Variants in ESR2 observed in about 807,000 individuals in gnomAD.
ESR2 encodes the protein estrogen receptor beta.
Under a neutral mutation model 49.6 loss-of-function variants are expected in ESR2, and 36 were observed. The observed-to-expected ratio is 0.73, with a 90% CI of 0.56 to 0.96. The LOEUF is 0.96. ESR2 is among the 40% of genes least tolerant of loss of function. The pLI is 0.00. For synonymous variants in ESR2, 320 were observed against 266.1 expected, an observed-to-expected ratio of 1.20 and a Z score of -1.97; for missense variants, 714 against 693.0, an observed-to-expected ratio of 1.03 and a Z score of -0.34.
At chr14:64,281,958 C>T (rs1596452974) in intron 2 of ESR2, among the ~76,000 whole-genome samples, 1 of 152,196 alleles carries the variant, frequency 6.6e-6, no homozygotes, top group Non-Finnish European at 1.5e-5. Context: ...TTGTCATGAA[C>T]ATTAAATTGT....
intron 3 of ESR2, among the ~76,000 whole-genome samples, chr14:64,273,982 C>G (rs1234695583): frequency 1.3e-5 from 2 of 151,160 alleles, no homozygotes; most frequent in African/African-American, 4.9e-5. Context: ...CTCCATCACC[C>G]AGGCTAGAAT....
intron 3 of ESR2, among the ~76,000 whole-genome samples, chr14:64,273,940 CTTTTT>C (rs58123995): frequency 1.5e-5 from 2 of 134,652 alleles, no homozygotes; most frequent in African/African-American, 2.8e-5. Context: ...TGCTGAGAGA[CTTTTT>C]TTTTTTTTTT....
rs199966754 is a variant in ESR2, at chr14:64,264,889, A to G, written c.652+3906T>C. ...GATACCCTGTCTCAAAAAAAAAAAA[A>G]GAAAAAAAAAAAAGCACCTTTCTGA... On this transcript the variant is annotated intron_variant, in intron 4 of 8. Transcript: ENST00000341099. 3.6e-3 allele frequency among the ~76,000 whole-genome samples: 506 copies of G among 140,452 alleles called. 4 individuals are homozygous for G. The highest frequency in any genetic ancestry group is 0.013 in the African/African-American group (461 of 35,858). 92.1% of individuals were successfully genotyped at this position (140,452 alleles called of 152,430 possible).
intron 3 of ESR2, among the ~76,000 whole-genome samples, chr14:64,273,497 T>A (rs1221897933): frequency 6.6e-6 from 1 of 152,208 alleles, no homozygotes; most frequent in Non-Finnish European, 1.5e-5. Flanking sequence ...CCCAGTTTTT[T>A]AAGGGTTTTT....
chr14:64,320,914 A>G (rs2077318043), intron 1 of ESR2, among the ~76,000 whole-genome samples: 1 of 152,010 alleles, frequency 6.6e-6, no homozygotes, highest in African/African-American at 2.4e-5. Flanking sequence ...TAATAATAAT[A>G]ATGTATTAAT....
chr14:64,304,577 T>A (rs944234663), intron 1 of ESR2, among the ~76,000 whole-genome samples: 1 of 152,232 alleles, frequency 6.6e-6, no homozygotes, highest in Admixed American at 6.5e-5. Flanking sequence ...TATTCAAAAG[T>A]AAATTAAAAC....
At chr14:64,255,823 C>T (rs2076085942) in intron 6 of ESR2, among the ~76,000 whole-genome samples, 1 of 152,240 alleles carries the variant, frequency 6.6e-6, no homozygotes, top group South Asian at 2.1e-4. Context: ...CAGAGCCTCC[C>T]TCCATGGTTT....
chr14:64,313,141 A>G (rs566731493), intron 1 of ESR2, among the ~76,000 whole-genome samples: 3 of 152,316 alleles, frequency 2.0e-5, no homozygotes, highest in Non-Finnish European at 2.9e-5. Flanking sequence ...GGGACATTAT[A>G]TAATAACAAA....
chr14:64,328,989 A>G (rs943500210), intron 1 of ESR2, among the ~76,000 whole-genome samples: 1 of 152,118 alleles, frequency 6.6e-6, no homozygotes, highest in Non-Finnish European at 1.5e-5. Flanking sequence ...TTAGTTGTAG[A>G]TATTTTAAAA....
rs750554682 is a variant in ESR2, at chr14:64,268,802, C to A, written c.645G>T (p.Val215=). The A allele has an allele frequency of 5.6e-6, 9 of 1,606,778 alleles. No individual in the cohort carries two copies. The highest frequency in any genetic ancestry group is 1.7e-5 in the Admixed American group (1 of 59,964). Residue 215 remains valine, a synonymous_variant, in exon 4 of 9, where the codon GTG becomes GTT. Coordinates refer to ENST00000341099, the MANE Select transcript of ESR2 (RefSeq NM_001437.3). ...RLRKCYEVGM[V]KCGSRRERCG... Reference sequence around the variant, plus strand: ...AGGGAAGCAAGCACTCACCACACTTCACCATTCCCACTTCGTAACACTTCC... The same window carrying A: ...AGGGAAGCAAGCACTCACCACACTTAACCATTCCCACTTCGTAACACTTCC...
At chr14:64,313,878 CAAA>C (rs58601573) in intron 1 of ESR2, among the ~76,000 whole-genome samples, 3 of 95,888 alleles carry the variant, frequency 3.1e-5, no homozygotes, top group African/African-American at 7.1e-5. Context: ...GACTCTGTCT[CAAA>C]AAAAAAAAAA....
In ESR2 at chr14:64,257,279, G is replaced by A. The variant is rs1319245004; in HGVS notation, c.1038C>T (p.Arg346=). 2.5e-6 allele frequency: 4 copies of A among 1,614,164 alleles called. No homozygotes were observed. The highest frequency in any genetic ancestry group is 3.3e-5 in the Admixed American group (2 of 60,032). ...TGAGCTTGCCGGGGTGGTCAATTGAGCGCCACATCAGCCCCATCATTAACA... is the reference window on the plus strand; with the variant it reads ...TGAGCTTGCCGGGGTGGTCAATTGAACGCCACATCAGCCCCATCATTAACA... The part of the protein sequence containing the change: ...MEVLMMGLMW[R]SIDHPGKLIF... The change falls in exon 6 of 9, where the codon CGC becomes CGT. Residue 346 remains arginine, a synonymous_variant. Transcript: ENST00000341099.
Position 64,322,517 on chromosome 14 carries a change from GGA to G in ESR2, c.-91+15379_-91+15380del, listed in dbSNP as rs1491130966. ...TAGTAAGACCTTATCTCCACAGAAA[GGA>G]AAAAAAAAAAAAAAAAAAGATCCTT... On this transcript the variant is annotated intron_variant, in intron 1 of 8. Transcript: ENST00000358599. Among the ~76,000 whole-genome samples the G allele has an allele frequency of 2.4e-4, 19 of 80,762 alleles. 1 individual carries two copies. The highest frequency in any genetic ancestry group is 2.3e-4 in the Non-Finnish European group (9 of 39,026). The allele number at this position is 80,762 out of a possible 152,430, so 53.0% of individuals were successfully genotyped here.
intron 6 of ESR2, among the ~76,000 whole-genome samples, chr14:64,250,271 A>G (rs183430610): frequency 6.6e-6 from 1 of 152,248 alleles, no homozygotes; most frequent in African/African-American, 2.4e-5. Flanking sequence ...GAGAAGATGG[A>G]TTAGAATCAG....
intron 1 of ESR2, among the ~76,000 whole-genome samples, chr14:64,313,530 C>A (rs975387850): frequency 6.1e-3 from 657 of 107,084 alleles, no homozygotes; most frequent in South Asian, 8.5e-3. Flanking sequence ...GAGGCTCTGT[C>A]AAAAAAAAAA....
At chr14:64,270,999 G>T (rs1182397887) in intron 3 of ESR2, among the ~76,000 whole-genome samples, 1 of 152,036 alleles carries the variant, frequency 6.6e-6, no homozygotes, top group Non-Finnish European at 1.5e-5. Flanking sequence ...GCTTTCTAAG[G>T]CTCCTTTTCT....
At chr14:64,333,216 T>C (rs2077484646) in intron 1 of ESR2, among the ~76,000 whole-genome samples, 1 of 152,206 alleles carries the variant, frequency 6.6e-6, no homozygotes, top group Non-Finnish European at 1.5e-5. Flanking sequence ...GGAGCTCATA[T>C]GCTATATGTG....
At chr14:64,293,401 A>G (rs1206000802) in intron 1 of ESR2, among the ~76,000 whole-genome samples, 1 of 152,264 alleles carries the variant, frequency 6.6e-6, no homozygotes, top group African/African-American at 2.4e-5. Context: ...TTAAACAGCG[A>G]GTAAAATTAA....
upstream of ESR2, among the ~76,000 whole-genome samples, chr14:64,299,170 TACAG>T (rs1312034676): frequency 4.0e-5 from 6 of 150,828 alleles, no homozygotes; most frequent in South Asian, 2.1e-4. Context: ...AAAAAAAAGG[TACAG>T]ACAGACATGG....
Sources: gnomAD v4.1 joint callset for allele counts (sites outside exome capture counted in the v4.1 genomes callset) on GRCh38, gnomAD v4.1.1 for gene constraint, MANE v1.5 for transcripts, NCBI Gene and HGNC (gene_info 2026-07-23, HGNC 2026-07-21) for gene names.